The following DCC variants were observed in gnomAD, a reference collection of about 807,000 sequenced individuals.
DCC encodes the protein DCC netrin 1 receptor, also known as netrin receptor DCC.
DCC carries 58 observed loss-of-function variants against 172.5 expected under a neutral mutation model. The observed-to-expected ratio is 0.34, with a 90% CI of 0.27 to 0.42. The LOEUF (loss-of-function observed/expected upper bound fraction) is 0.42. Ranked by LOEUF, DCC falls within the 10% of genes least tolerant of loss-of-function variation. The pLI, the probability that DCC is intolerant of heterozygous loss-of-function variation, is 1.00. For missense variants in DCC, 1,740 were observed against 1,791.0 expected, an observed-to-expected ratio of 0.97 and a Z score of 0.51; for synonymous variants, 709 against 644.5, an observed-to-expected ratio of 1.10 and a Z score of -1.52.
At chr18:53,195,516 G>A (rs939975894) in intron 9 of DCC, among the ~76,000 whole-genome samples, 3 of 152,060 alleles carry the variant, frequency 2.0e-5, no homozygotes, top group Non-Finnish European at 2.9e-5. Flanking sequence ...TGAAATGTGC[G>A]ATCATTAATT....
intron 1 of DCC, among the ~76,000 whole-genome samples, chr18:52,374,086 G>A (rs145373440): frequency 4.1e-4 from 62 of 151,704 alleles, no homozygotes; most frequent in Non-Finnish European, 5.9e-4. Flanking sequence ...TAAAGACGGG[G>A]TTTCACTATG....
chr18:52,701,115 A>C (rs1378530840), intron 1 of DCC, among the ~76,000 whole-genome samples: 1 of 152,218 alleles, frequency 6.6e-6, no homozygotes, highest in Non-Finnish European at 1.5e-5. Context: ...ATCTAATATC[A>C]TAGATGGCAG....
At chr18:53,487,031 T>G (rs552285116) in intron 26 of DCC, 73 bp downstream of exon 26, 93 of 1,589,500 alleles carry the variant, frequency 5.9e-5, no homozygotes, top group Non-Finnish European at 7.7e-5. Context: ...ATATGTTGCA[T>G]TCTGACCTTA....
intron 2 of DCC, among the ~76,000 whole-genome samples, chr18:52,773,763 A>C (rs2037381689): frequency 6.6e-6 from 1 of 152,196 alleles, no homozygotes; most frequent in Admixed American, 6.5e-5. Context: ...CCCTGACCTC[A>C]GGTGATCTGC....
At chr18:52,530,152 A>G (rs1568214661) in intron 1 of DCC, among the ~76,000 whole-genome samples, 1 of 152,234 alleles carries the variant, frequency 6.6e-6, no homozygotes, top group Non-Finnish European at 1.5e-5. Flanking sequence ...AAATATTTTC[A>G]TGTGAATTGC....
intron 2 of DCC, among the ~76,000 whole-genome samples, chr18:52,792,863 T>A (rs2037803127): frequency 1.8e-4 from 1 of 5,544 alleles, no homozygotes; most frequent in African/African-American, 1.2e-3. Context: ...CCATTCGGGT[T>A]GATTCAATTC....
intron 15 of DCC, among the ~76,000 whole-genome samples, chr18:53,346,395 G>A (rs2057725786): frequency 6.6e-6 from 1 of 151,996 alleles, no homozygotes; most frequent in Non-Finnish European, 1.5e-5. Flanking sequence ...CATTCCCTCT[G>A]AGACTATAAT....
At chr18:52,867,032 T>G (rs562404260) in intron 2 of DCC, among the ~76,000 whole-genome samples, 2 of 152,208 alleles carry the variant, frequency 1.3e-5, no homozygotes, top group East Asian at 3.9e-4. Flanking sequence ...TAAATAGCTC[T>G]TATTATTTTG....
intron 1 of DCC, among the ~76,000 whole-genome samples, chr18:52,602,400 AGTGT>A (rs71175506): frequency 6.1e-5 from 9 of 148,626 alleles, no homozygotes; most frequent in African/African-American, 1.2e-4. Context: ...TTAGTATCAA[AGTGT>A]GTGTGTGTGT....
intron 9 of DCC, among the ~76,000 whole-genome samples, chr18:53,185,692 C>T (rs1486564546): frequency 1.3e-5 from 2 of 152,126 alleles, no homozygotes; most frequent in African/African-American, 4.8e-5. Flanking sequence ...AGTCTAGGCA[C>T]TATGCTGGTA....
At chr18:52,736,941 A>C (rs911079209) in intron 1 of DCC, among the ~76,000 whole-genome samples, 4 of 152,172 alleles carry the variant, frequency 2.6e-5, no homozygotes, top group Admixed American at 6.5e-5. Flanking sequence ...CAATAAACTC[A>C]GCACACTTTC....
chr18:53,353,025 G>A (rs1053278333), intron 15 of DCC, among the ~76,000 whole-genome samples: 2 of 150,992 alleles, frequency 1.3e-5, no homozygotes, highest in Non-Finnish European at 3.0e-5. Context: ...CATTTAAAGT[G>A]GGGTGGTTTG....
At position 53,180,864 on chromosome 18, in the gene DCC, C is replaced by T. The variant is rs192388826; in HGVS notation, c.1573+1748C>T. On this transcript the variant is annotated intron_variant, in intron 9 of 28. Transcript: ENST00000442544. ...CTGACCTCAAGTGATCCCCCTGCCTCGGCCTCCCAATGTGCTAGGATTACA... is the reference window on the plus strand; with the variant it reads ...CTGACCTCAAGTGATCCCCCTGCCTTGGCCTCCCAATGTGCTAGGATTACA... Among the ~76,000 whole-genome samples the T allele has an allele frequency of 7.2e-5, 11 of 152,216 alleles. 1 individual carries two copies. The highest frequency in any genetic ancestry group is 1.9e-4 in the East Asian group (1 of 5,160).
chr18:53,185,193 C>G lies in DCC; in HGVS notation c.1573+6077C>G, dbSNP rs1169256275. Among the ~76,000 whole-genome samples, 7 of 152,242 alleles carry G rather than the reference C, an allele frequency of 4.6e-5. 1 individual carries two copies. The highest frequency in any genetic ancestry group is 4.6e-4 in the Admixed American group (7 of 15,282). ...TTAAAAATTTATGGTTTAGTATCCT[C>G]TGTGACCAAAGGCTTAAGGAATTCA... On this transcript the variant is annotated intron_variant, in intron 9 of 28. Transcript: ENST00000442544.
intron 7 of DCC, 23 bp from the exon 8 acceptor site, chr18:53,157,333 A>G (rs755376242): frequency 1.1e-5 from 18 of 1,608,468 alleles, no homozygotes; most frequent in Non-Finnish European, 1.4e-5. Flanking sequence ...CACCTCTGAT[A>G]GCCTCCTCTT....
chr18:53,267,745 T>C (rs1030992677), intron 12 of DCC, among the ~76,000 whole-genome samples: 2 of 151,794 alleles, frequency 1.3e-5, no homozygotes, highest in Admixed American at 6.6e-5. Flanking sequence ...GGATTAAAGG[T>C]GTAAGCCAAT....
intron 2 of DCC, among the ~76,000 whole-genome samples, chr18:52,776,656 A>G (rs903919994): frequency 1.3e-5 from 2 of 152,154 alleles, no homozygotes; most frequent in Non-Finnish European, 2.9e-5. Context: ...CTTATAGTGG[A>G]TCTACTATAC....
At position 53,157,365 on chromosome 18, in the gene DCC, G is replaced by A; in HGVS notation, c.1271G>A (p.Ser424Asn). 6.2e-7 allele frequency: 1 copy of A among 1,613,996 alleles called. No individual in the cohort carries two copies. Among genetic ancestry groups the A allele is most frequent in the Non-Finnish European group, 8.5e-7 (1 of 1,179,962 alleles). Residue 424 changes from serine (S) to asparagine (N), a missense_variant, in exon 8 of 29, where the codon AGC (serine) becomes AAC (asparagine). By Grantham distance (46) the Ser-to-Asn change is conservative. Coordinates refer to ENST00000442544, the MANE Select transcript of DCC (RefSeq NM_005215.4). ...QLIVPKPAIP[S>N]SSVLPSAPRD... ...TCTTCTTTCTCCTTAGCTATCCCAAGCTCCAGTGTCCTCCCTTCGGCTCCC... is the reference window on the plus strand; with the variant it reads ...TCTTCTTTCTCCTTAGCTATCCCAAACTCCAGTGTCCTCCCTTCGGCTCCC...
At chr18:53,072,836 T>G (rs2042674084) in intron 7 of DCC, among the ~76,000 whole-genome samples, 1 of 152,210 alleles carries the variant, frequency 6.6e-6, no homozygotes, top group African/African-American at 2.4e-5. Context: ...TTGGAGTCAA[T>G]TTAAGTACAA....
Sources: gnomAD v4.1 joint callset for allele counts (sites outside exome capture counted in the v4.1 genomes callset) on GRCh38, gnomAD v4.1.1 for gene constraint, MANE v1.5 for transcripts, NCBI Gene and HGNC (gene_info 2026-07-23, HGNC 2026-07-21) for gene names.